The following DNAH11 variants were observed in gnomAD, a reference collection of about 807,000 sequenced individuals.
DNAH11 encodes axonemal beta dynein heavy chain 11.
DNAH11 carries 442 observed loss-of-function variants against 526.0 expected under a neutral mutation model. That is an observed-to-expected ratio of 0.84 (90% confidence interval 0.78 to 0.91). DNAH11 has a LOEUF of 0.91. Among genes scored for constraint, DNAH11 ranks in the 40% least tolerant of loss-of-function variants. The pLI, the probability that DNAH11 is intolerant of heterozygous loss-of-function variation, is 0.00. For missense variants in DNAH11, 6,989 were observed against 5,448.7 expected (o/e 1.28, Z -8.90); for synonymous variants, 2,461 against 1,935.9 (o/e 1.27, Z -7.12).
chr7:21,573,235 G>A (rs1783962388), intron 8 of DNAH11, among the ~76,000 whole-genome samples: 2 of 152,168 alleles, frequency 1.3e-5, no homozygotes, highest in South Asian at 4.1e-4. Context: ...TGTAGGAATA[G>A]AAAATTCATT....
intron 66 of DNAH11, among the ~76,000 whole-genome samples, chr7:21,845,593 A>G (rs929533857): frequency 6.6e-6 from 1 of 152,042 alleles, no homozygotes. Context: ...CTGTTTGTCT[A>G]TCCTTTTATC....
At chr7:21,776,154 A>C (rs17145375) in intron 56 of DNAH11, among the ~76,000 whole-genome samples, 1,793 of 152,270 alleles carry the variant, frequency 0.012, 41 homozygotes, top group African/African-American at 0.041. Context: ...ATGTCTGCCA[A>C]GTCCAGGGCT....
intron 65 of DNAH11, among the ~76,000 whole-genome samples, chr7:21,839,473 G>C (rs1181724827): frequency 6.6e-6 from 1 of 151,790 alleles, no homozygotes; most frequent in Non-Finnish European, 1.5e-5. Context: ...TACTCAGGAG[G>C]CTGAGGCAGG....
chr7:21,822,083 C>T lies in DNAH11; in HGVS notation c.10691+3744C>T, dbSNP rs186433581. 3.2e-3 allele frequency among the ~76,000 whole-genome samples: 482 copies of T among 152,146 alleles called. 1 individual carries two copies. Among genetic ancestry groups the T allele is most frequent in the Admixed American group, 6.2e-3 (95 of 15,270 alleles). On this transcript the variant is annotated intron_variant, in intron 65 of 81. Transcript: ENST00000409508. ...ATAGTATTTCACTGTGTATATATAC[C>T]ACAATTTCTTTACCCATTTGTATTC... is the stretch of plus-strand genomic sequence containing the variant.
At chr7:21,617,538 A>C in intron 22 of DNAH11, 81 bp from the exon 23 acceptor site, 1 of 1,485,978 alleles carries the variant, frequency 6.7e-7, no homozygotes, top group Non-Finnish European at 9.2e-7. Context: ...GAGTTGGGAA[A>C]TATATGTCAA....
At chr7:21,558,654 G>C (rs1397566826) in intron 2 of DNAH11, 148 bp from the exon 3 acceptor site, 1 of 621,276 alleles carries the variant, frequency 1.6e-6, no homozygotes, top group African/African-American at 1.9e-5. Context: ...ATCTAAATGG[G>C]TCACTGACTT....
intron 25 of DNAH11, among the ~76,000 whole-genome samples, chr7:21,631,839 C>G (rs931119954): frequency 2.0e-5 from 3 of 152,170 alleles, no homozygotes; most frequent in Admixed American, 6.5e-5. Context: ...GTCTGGAGGA[C>G]AGTGGCCCTC....
chr7:21,744,844 A>C, intron 50 of DNAH11, 26 bp from the exon 51 acceptor site: 1 of 1,588,334 alleles, frequency 6.3e-7, no homozygotes, highest in Admixed American at 1.8e-5. Flanking sequence ...TTGACATGCC[A>C]TATTTTTCTC....
chr7:21,561,755 A>G lies in DNAH11; in HGVS notation c.982+585A>G, dbSNP rs559962312. Among the ~76,000 whole-genome samples the G allele has an allele frequency of 5.2e-4, 79 of 152,210 alleles. 1 individual carries two copies. The highest frequency in any genetic ancestry group is 2.9e-3 in the Admixed American group (45 of 15,284). On this transcript the variant is annotated intron_variant, in intron 5 of 81. Transcript: ENST00000409508. The stretch of plus-strand genomic sequence containing the variant: ...GTTTCAGCCCCACCCAAAGATGACA[A>G]CCCTGCTCAGTTCCTTGATTTCTGT...
In DNAH11 at chr7:21,707,819, G is replaced by A. The variant is rs777247388; in HGVS notation, c.6667G>A (p.Glu2223Lys). The change falls in exon 40 of 82, where the codon GAA becomes AAA. Residue 2223 changes from glutamate (E) to lysine (K), a missense_variant. Physicochemically the swap from Glu to Lys is moderately conservative, Grantham distance 56 (BLOSUM62 1). Coordinates refer to ENST00000409508, the MANE Select transcript of DNAH11 (RefSeq NM_001277115.2). ...TGGTTTCATACATCATGCTACCCGAGAATGGAAAGATGGCAAGTAGTATTT... is the reference window on the plus strand; with the variant it reads ...TGGTTTCATACATCATGCTACCCGAAAATGGAAAGATGGCAAGTAGTATTT... ...LFGFIHHATR[E>K]WKDGKIVYSY... The A allele has an allele frequency of 1.3e-6, 2 of 1,596,984 alleles. No homozygotes were observed. Among genetic ancestry groups the A allele is most frequent in the South Asian group, 1.1e-5 (1 of 87,360 alleles).
At position 21,597,113 on chromosome 7, in the gene DNAH11, G is replaced by A. The variant is rs1784890081; in HGVS notation, c.2668-2674G>A. On this transcript the variant is annotated intron_variant, in intron 14 of 81. Coordinates refer to ENST00000409508, the MANE Select transcript of DNAH11 (RefSeq NM_001277115.2). ...AGTTAAAGATGGAGAGAAGAGAGGAGCAGGACCATGGAATATTGGGCCTGA... is the reference window on the plus strand; with the variant it reads ...AGTTAAAGATGGAGAGAAGAGAGGAACAGGACCATGGAATATTGGGCCTGA... Among the ~76,000 whole-genome samples, 3 of 152,284 alleles carry A rather than the reference G, an allele frequency of 2.0e-5. No individual in the cohort carries two copies. The South Asian group carries it at 6.2e-4, about 32-fold the overall frequency.
At chr7:21,545,597 T>C (rs1269863673) in intron 2 of DNAH11, among the ~76,000 whole-genome samples, 3 of 152,220 alleles carry the variant, frequency 2.0e-5, no homozygotes, top group Non-Finnish European at 4.4e-5. Flanking sequence ...AGACTAAGAT[T>C]CACTCATGGC....
chr7:21,765,610 TCACACACACACACACACACACACACA>T (rs3219983), intron 55 of DNAH11, 21 bp downstream of exon 55: 31 of 956,340 alleles, frequency 3.2e-5, no homozygotes, highest in Non-Finnish European at 3.8e-5. Flanking sequence ...TCAGCCTGCG[TCACACACACACACACACACACACACA>T]CACACACACA....
intron 26 of DNAH11, among the ~76,000 whole-genome samples, 167 bp from the exon 27 acceptor site, chr7:21,637,444 A>G (rs947688250): frequency 2.0e-5 from 3 of 152,194 alleles, no homozygotes; most frequent in African/African-American, 7.2e-5. Flanking sequence ...ATCTTCATCT[A>G]AGAGTTGAAA....
Position 21,730,190 on chromosome 7 carries a change from A to G in DNAH11, c.7440+4206A>G, listed in dbSNP as rs150350497. Among the ~76,000 whole-genome samples the G allele has an allele frequency of 2.4e-3, 373 of 152,354 alleles. 2 individuals carry two copies. Among genetic ancestry groups the G allele is most frequent in the African/African-American group, 8.6e-3 (356 of 41,580 alleles). On this transcript the variant is annotated intron_variant, in intron 45 of 81. Transcript: ENST00000409508. ...ATATCTGCACTCGCATGTTTACTGCAGCACTAGTCACAATAGCCAAGATAT... is the reference window on the plus strand; with the variant it reads ...ATATCTGCACTCGCATGTTTACTGCGGCACTAGTCACAATAGCCAAGATAT...
intron 66 of DNAH11, 63 bp from the exon 67 acceptor site, chr7:21,852,404 C>CT: frequency 9.4e-6 from 7 of 742,216 alleles, no homozygotes; most frequent in Non-Finnish European, 1.4e-5. Context: ...AAGACTTCCT[C>CT]TAAAAAAAAA....
rs145428312 is a variant in DNAH11, at chr7:21,656,173, A to T, written c.5094+192A>T. Among the ~76,000 whole-genome samples, 134 of 152,244 alleles carry T rather than the reference A, an allele frequency of 8.8e-4. 2 individuals carry two copies. The East Asian group carries it at 0.022, about 25-fold the overall frequency. On this transcript the variant is annotated intron_variant, in intron 29 of 81. Coordinates refer to ENST00000409508, the MANE Select transcript of DNAH11 (RefSeq NM_001277115.2). ...CTGCCATGCGTCCCAGTTTCTACTC[A>T]TGTGGCTTTGGCACCCAGCAGGGTC...
At chr7:21,845,882 T>C (rs1292488312) in intron 66 of DNAH11, among the ~76,000 whole-genome samples, 1 of 152,190 alleles carries the variant, frequency 6.6e-6, no homozygotes, top group East Asian at 1.9e-4. Flanking sequence ...ATGCAATATC[T>C]CTCCATTGTT....
chr7:21,880,733 A>G lies in DNAH11; in HGVS notation c.12227A>G (p.Glu4076Gly). 6.2e-7 allele frequency: 1 copy of G among 1,613,942 alleles called. No homozygotes were observed. Among genetic ancestry groups the G allele is most frequent in the Non-Finnish European group, 8.5e-7 (1 of 1,179,882 alleles). The change falls in exon 75 of 82, where the codon GAG becomes GGG. Residue 4076 changes from glutamate to glycine, a missense_variant. Transcript: ENST00000409508. ...DTLEICSKEQ[E>G]FKSILFSLCY... ...CTTGAAATATGCTCCAAGGAGCAGGAGTTTAAAAGCATCCTTTTTTCTCTC... is the reference window on the plus strand; with the variant it reads ...CTTGAAATATGCTCCAAGGAGCAGGGGTTTAAAAGCATCCTTTTTTCTCTC...
Sources: gnomAD v4.1 joint callset for allele counts (sites outside exome capture counted in the v4.1 genomes callset) on GRCh38, gnomAD v4.1.1 for gene constraint, MANE v1.5 for transcripts, NCBI Gene and HGNC (gene_info 2026-07-23, HGNC 2026-07-21) for gene names.